Variants in AP2A2 observed in about 807,000 individuals in gnomAD.
AP2A2 encodes the protein adaptor related protein complex 2 subunit alpha 2.
Under a neutral mutation model 104.2 loss-of-function variants are expected in AP2A2, and 32 were observed. The ratio of observed to expected loss-of-function variants is 0.31; its 90% CI spans 0.23 to 0.41. The LOEUF is 0.41. AP2A2 is among the 10% of genes least tolerant of loss of function. The probability of loss-of-function intolerance (pLI) is 1.00; values close to 1 mark genes in which losing one functional copy is unlikely to be tolerated. For synonymous variants in AP2A2, 539 were observed against 533.3 expected, an observed-to-expected ratio of 1.01 and a Z score of -0.15; for missense variants, 912 against 1,261.0, an observed-to-expected ratio of 0.72 and a Z score of 4.19.
At chr11:951,648 A>G (rs965689731) in intron 1 of AP2A2, among the ~76,000 whole-genome samples, 6 of 152,152 alleles carry the variant, frequency 3.9e-5, no homozygotes, top group African/African-American at 1.4e-4. Context: ...TTGATGGCAC[A>G]CCCATTTGAA....
At chr11:949,023 C>T (rs919637253) in intron 1 of AP2A2, among the ~76,000 whole-genome samples, 2 of 151,876 alleles carry the variant, frequency 1.3e-5, no homozygotes, top group African/African-American at 4.8e-5. Context: ...GGTGCAGTGG[C>T]TCATGCCTGT....
chr11:946,590 G>A (rs1853842942), intron 1 of AP2A2: 1 of 152,070 alleles, frequency 6.6e-6, no homozygotes, highest in South Asian at 2.1e-4. Flanking sequence ...GGCCAACATG[G>A]TGAAACCCCG....
chr11:963,295 G>A (rs774491038), intron 2 of AP2A2, among the ~76,000 whole-genome samples: 5 of 151,906 alleles, frequency 3.3e-5, no homozygotes, highest in African/African-American at 9.7e-5. Flanking sequence ...GCATGGTGGC[G>A]GGCACCTGTA....
chr11:983,536 C>T (rs184861425), intron 6 of AP2A2, among the ~76,000 whole-genome samples: 155 of 152,002 alleles, frequency 1.0e-3, no homozygotes, highest in African/African-American at 3.7e-3. Context: ...GCGCCCGCCA[C>T]CATGCCTGGC....
intron 4 of AP2A2, among the ~76,000 whole-genome samples, chr11:976,374 T>C (rs1181917869): frequency 6.6e-6 from 1 of 152,150 alleles, no homozygotes; most frequent in Non-Finnish European, 1.5e-5. Context: ...CTGCCTTCCA[T>C]GTGGGGCAGC....
intron 1 of AP2A2, among the ~76,000 whole-genome samples, chr11:926,880 G>A (rs568716075): frequency 6.6e-6 from 1 of 152,238 alleles, no homozygotes; most frequent in East Asian, 1.9e-4. Flanking sequence ...GGGCCTGTTA[G>A]AAGGATGTGC....
intron 1 of AP2A2, among the ~76,000 whole-genome samples, chr11:937,361 G>C (rs144416388): frequency 6.6e-6 from 1 of 152,050 alleles, no homozygotes; most frequent in Non-Finnish European, 1.5e-5. Flanking sequence ...ACCATTGTCC[G>C]TCTCCAGAAA....
rs1263688174 is a variant in AP2A2, at chr11:1,000,514, G to A, written c.2039G>A (p.Gly680Asp). 6.5e-7 allele frequency: 1 copy of A among 1,541,856 alleles called. No individual in the cohort carries two copies. Among genetic ancestry groups the A allele is most frequent in the East Asian group, 2.4e-5 (1 of 41,308 alleles). ...GCGGGCCCCCCACCCTCCTCCGGCG[G>A]CAGCGGGCTGCTCGTGGACGTGTTC... ...APAGPPPSSG[G>D]SGLLVDVFSD... Residue 680 changes from glycine to aspartate, a missense_variant, in exon 15 of 22, where the codon GGC becomes GAC. Gly to Asp is a moderately conservative substitution (Grantham distance 94). This residue lies in a region of AP2A2 where 105 missense variants were observed against 90.9 expected (regional missense o/e 1.16). Transcript: ENST00000448903.
At chr11:990,012 G>A (rs1325893535) in intron 10 of AP2A2, among the ~76,000 whole-genome samples, 1 of 152,248 alleles carries the variant, frequency 6.6e-6, no homozygotes, top group Non-Finnish European at 1.5e-5. Flanking sequence ...CTCTGGGCAG[G>A]TGTTGTGTGG....
Position 1,006,277 on chromosome 11 carries a change from G to A in AP2A2, c.2207-251G>A, listed in dbSNP as rs558758643. 2.6e-5 allele frequency among the ~76,000 whole-genome samples: 4 copies of A among 152,370 alleles called. No individual in the cohort carries two copies. The East Asian group carries it at 7.7e-4, about 29-fold the overall frequency. On this transcript the variant is annotated intron_variant, in intron 16 of 21. Transcript: ENST00000448903. ...CCATCCCGTGTGGGTGCGCAGGAGGGGCCGAGGGAGGAGGGTGCTGGAGGG... is the reference window on the plus strand; with the variant it reads ...CCATCCCGTGTGGGTGCGCAGGAGGAGCCGAGGGAGGAGGGTGCTGGAGGG...
At chr11:944,918 C>T (rs1853782959) in intron 1 of AP2A2, among the ~76,000 whole-genome samples, 1 of 152,074 alleles carries the variant, frequency 6.6e-6, no homozygotes, top group South Asian at 2.1e-4. Context: ...TGGAGTAGGG[C>T]CTTTCCTAGA....
chr11:946,456 C>A (rs977848583), intron 1 of AP2A2: 4 of 152,130 alleles, frequency 2.6e-5, no homozygotes, highest in African/African-American at 9.7e-5. Context: ...AATTCTGTGT[C>A]CAGTAAAACT....
Position 944,608 on chromosome 11 carries a change from G to A in AP2A2, c.68-14829G>A, listed in dbSNP as rs146920357. Among the ~76,000 whole-genome samples, 573 of 152,246 alleles carry A rather than the reference G, an allele frequency of 3.8e-3. 5 individuals are homozygous for A. Among genetic ancestry groups the A allele is most frequent in the African/African-American group, 0.012 (498 of 41,540 alleles). ...ATAAACACAACAGAGAGATATTAAG[G>A]GGGGAAGGTGATTGGGTAAATGAGG... On this transcript the variant is annotated intron_variant, in intron 1 of 21. Coordinates refer to ENST00000448903, the MANE Select transcript of AP2A2 (RefSeq NM_012305.4).
chr11:1,010,350 G>A, intron 21 of AP2A2, 198 bp from the exon 22 acceptor site: 4 of 594,846 alleles, frequency 6.7e-6, no homozygotes, highest in South Asian at 2.1e-5. Context: ...AGCTACGTAC[G>A]AGACGCCAGG....
intron 1 of AP2A2, among the ~76,000 whole-genome samples, chr11:939,951 CTT>C (rs145184268): frequency 4.7e-5 from 5 of 106,038 alleles, no homozygotes; most frequent in Admixed American, 2.2e-4. Context: ...GTTTTGCTTA[CTT>C]TTTTTTTTTT....
At chr11:938,316 G>A (rs1188452482) in intron 1 of AP2A2, among the ~76,000 whole-genome samples, 1 of 152,136 alleles carries the variant, frequency 6.6e-6, no homozygotes, top group Non-Finnish European at 1.5e-5. Flanking sequence ...TAAAGCTTTT[G>A]AAATTATGTT....
intron 4 of AP2A2, among the ~76,000 whole-genome samples, chr11:975,076 G>T (rs1854975936): frequency 6.6e-6 from 1 of 152,254 alleles, no homozygotes; most frequent in African/African-American, 2.4e-5. Context: ...GACAGAGTAG[G>T]TGCTGAGGAG....
intron 6 of AP2A2, among the ~76,000 whole-genome samples, chr11:983,260 T>G (rs886371073): frequency 4.6e-5 from 7 of 151,944 alleles, no homozygotes; most frequent in African/African-American, 1.7e-4. Context: ...CCTCAAGTGA[T>G]TGATTGCACC....
intron 1 of AP2A2, among the ~76,000 whole-genome samples, chr11:931,982 G>A (rs1853306284): frequency 1.3e-5 from 2 of 151,424 alleles, no homozygotes; most frequent in South Asian, 4.2e-4. Flanking sequence ...GTATTTTTTA[G>A]TAGAGACAGG....
Sources: allele counts gnomAD v4.1 joint callset (sites outside exome capture counted in the v4.1 genomes callset), GRCh38; gene constraint gnomAD v4.1.1; regional missense constraint gnomAD v4.1.1; transcripts MANE v1.5; gene names NCBI Gene and HGNC (gene_info 2026-07-23, HGNC 2026-07-21).